The following FSTL5 variants were observed in gnomAD, a reference collection of about 807,000 sequenced individuals.
FSTL5 encodes the protein follistatin like 5.
Under a neutral mutation model 89.1 loss-of-function variants are expected in FSTL5, and 62 were observed. The ratio of observed to expected loss-of-function variants is 0.70; its 90% CI spans 0.57 to 0.86. The LOEUF is 0.86. Among genes scored for constraint, FSTL5 ranks in the 40% least tolerant of loss-of-function variants. The pLI, the probability that FSTL5 is intolerant of heterozygous loss-of-function variation, is 0.00. For missense variants in FSTL5, 1,057 were observed against 1,001.6 expected (o/e 1.06, Z -0.75); for synonymous variants, 383 against 346.2 (o/e 1.11, Z -1.18).
rs994176913 is a variant in FSTL5, at chr4:161,872,256, C to T, written c.409+48148G>A. 6.0e-5 allele frequency among the ~76,000 whole-genome samples: 9 copies of T among 149,492 alleles called. No homozygotes were observed. In the Admixed American group the frequency reaches 6.1e-4, roughly 10 times the overall value. On this transcript the variant is annotated intron_variant, in intron 4 of 15. Coordinates refer to ENST00000306100, the MANE Select transcript of FSTL5 (RefSeq NM_020116.5). Reference sequence around the variant, plus strand: ...AAAGTACTGGGATTATAGGCATGAGCCATTGTGCCCAGCCTAAAGTTAACT... The same window carrying T: ...AAAGTACTGGGATTATAGGCATGAGTCATTGTGCCCAGCCTAAAGTTAACT...
At chr4:161,512,144 T>C (rs954740660) in intron 10 of FSTL5, among the ~76,000 whole-genome samples, 1 of 152,080 alleles carries the variant, frequency 6.6e-6, no homozygotes, top group South Asian at 2.1e-4. Context: ...GTGGATTTTT[T>C]TGTAGTTTTA....
chr4:161,888,103 G>A (rs114840992), intron 4 of FSTL5, among the ~76,000 whole-genome samples: 1,594 of 152,126 alleles, frequency 0.01, 32 homozygotes, highest in African/African-American at 0.035. Flanking sequence ...TTATAGCAGT[G>A]TGAAAAGAGA....
intron 4 of FSTL5, among the ~76,000 whole-genome samples, chr4:161,872,140 G>GTTTTTTTTT (rs1491313878): frequency 1.0e-4 from 7 of 67,504 alleles, no homozygotes; most frequent in Admixed American, 1.7e-4. Flanking sequence ...TTTTTTTTTT[G>GTTTTTTTTT]GTTTTTTTTT....
At chr4:161,527,259 A>T (rs2126524751) in intron 10 of FSTL5, among the ~76,000 whole-genome samples, 1 of 152,304 alleles carries the variant, frequency 6.6e-6, no homozygotes, top group East Asian at 1.9e-4. Context: ...TTATTGGTGT[A>T]TAAGAATGCT....
chr4:161,391,941 C>G (rs956887168), intron 15 of FSTL5, among the ~76,000 whole-genome samples: 1 of 152,158 alleles, frequency 6.6e-6, no homozygotes, highest in African/African-American at 2.4e-5. Flanking sequence ...CTACATTAAA[C>G]GTTTTAGCTA....
At position 162,015,571 on chromosome 4, in the gene FSTL5, G is replaced by A. The variant is rs1157519529; in HGVS notation, c.160+18054C>T. ...ACCTTGCAGTGTAATGGGATATGGG[G>A]GGTGATGGATAATTTCAGATTAATT... is the stretch of plus-strand genomic sequence containing the variant. On this transcript the variant is annotated intron_variant, in intron 3 of 15. Coordinates refer to ENST00000306100, the MANE Select transcript of FSTL5 (RefSeq NM_020116.5). 2.0e-5 allele frequency among the ~76,000 whole-genome samples: 3 copies of A among 152,144 alleles called. No homozygotes were observed. In the East Asian group the frequency reaches 5.8e-4, roughly 29 times the overall value.
chr4:161,744,388 T>G (rs978286513), intron 6 of FSTL5, among the ~76,000 whole-genome samples: 2 of 152,194 alleles, frequency 1.3e-5, no homozygotes, highest in Non-Finnish European at 2.9e-5. Context: ...GTTATGATGT[T>G]GAATTATATT....
chr4:161,986,899 C>T (rs533127509), intron 3 of FSTL5, among the ~76,000 whole-genome samples: 186 of 152,248 alleles, frequency 1.2e-3, no homozygotes, highest in African/African-American at 4.3e-3. Flanking sequence ...GGGAAAACTA[C>T]CGCAGATTGA....
At chr4:161,738,976 TAA>T (rs956336136) in intron 6 of FSTL5, among the ~76,000 whole-genome samples, 14 of 152,222 alleles carry the variant, frequency 9.2e-5, no homozygotes, top group Non-Finnish European at 1.5e-4. Context: ...CAATTTTTTA[TAA>T]GACAGTAGTT....
intron 4 of FSTL5, among the ~76,000 whole-genome samples, chr4:161,785,927 A>C (rs1741888849): frequency 6.6e-6 from 1 of 152,120 alleles, no homozygotes; most frequent in Non-Finnish European, 1.5e-5. Flanking sequence ...TGTCTCATTT[A>C]TCACAAGAAA....
intron 10 of FSTL5, among the ~76,000 whole-genome samples, chr4:161,512,332 C>A (rs1191793158): frequency 6.6e-6 from 1 of 151,822 alleles, no homozygotes; most frequent in Non-Finnish European, 1.5e-5. Flanking sequence ...ATCTCTGTGC[C>A]CATAGAACCT....
At chr4:162,156,130 A>G (rs1733459857) in intron 1 of FSTL5, among the ~76,000 whole-genome samples, 1 of 152,198 alleles carries the variant, frequency 6.6e-6, no homozygotes, top group Non-Finnish European at 1.5e-5. Flanking sequence ...ACATACAAAC[A>G]TGAAAAAATG....
At chr4:161,636,124 A>C (rs996462766) in intron 7 of FSTL5, among the ~76,000 whole-genome samples, 28 of 152,198 alleles carry the variant, frequency 1.8e-4, no homozygotes, top group Non-Finnish European at 3.7e-4. Flanking sequence ...GGAAAGGTAA[A>C]ATTGAATTTC....
intron 2 of FSTL5, among the ~76,000 whole-genome samples, chr4:162,099,481 G>T (rs1254734158): frequency 1.3e-5 from 2 of 152,106 alleles, no homozygotes; most frequent in Non-Finnish European, 2.9e-5. Context: ...ATAAGATAAT[G>T]TAGGAGCAAA....
intron 3 of FSTL5, among the ~76,000 whole-genome samples, chr4:161,986,712 G>T (rs1735973464): frequency 6.6e-6 from 1 of 152,148 alleles, no homozygotes; most frequent in African/African-American, 2.4e-5. Context: ...TTCACCTTGT[G>T]AATTAACAGC....
chr4:161,469,661 G>A (rs980835670), intron 13 of FSTL5, among the ~76,000 whole-genome samples: 24 of 148,770 alleles, frequency 1.6e-4, no homozygotes, highest in East Asian at 7.8e-4. Flanking sequence ...TTTTTGAAGC[G>A]GAGTCTCCCT....
chr4:161,662,172 C>T (rs1054244063), intron 6 of FSTL5, among the ~76,000 whole-genome samples: 4 of 152,176 alleles, frequency 2.6e-5, no homozygotes, highest in Non-Finnish European at 1.5e-5. Flanking sequence ...GACTGCAGCA[C>T]GCTGTTACCT....
chr4:161,968,941 ACACACACACACACACACACTCACATAAG>A lies in FSTL5; in HGVS notation c.161-48317_161-48290del, dbSNP rs1735402073. Among the ~76,000 whole-genome samples the A allele has an allele frequency of 3.3e-5, 4 of 120,774 alleles. No individual in the cohort carries two copies. In the South Asian group the frequency reaches 1.2e-3, roughly 36 times the overall value. The allele number at this position is 120,774 out of a possible 152,430, so 79.2% of individuals were successfully genotyped here. A position where few individuals can be genotyped will look rare whatever the true frequency, so the allele number is the denominator to read the frequency against. ...CCACCCAAGACACAGACATACACAC[ACACACACACACACACACACTCACATAAG>A]CACACACACACACACACACACATGC... is the stretch of plus-strand genomic sequence containing the variant. On this transcript the variant is annotated intron_variant, in intron 3 of 15. Transcript: ENST00000306100.
At chr4:161,834,562 T>C (rs967400500) in intron 4 of FSTL5, among the ~76,000 whole-genome samples, 10 of 152,200 alleles carry the variant, frequency 6.6e-5, no homozygotes, top group South Asian at 2.1e-4. Context: ...CCCATTGTCT[T>C]AGCCCAAAAT....
Sources: allele counts gnomAD v4.1 joint callset (sites outside exome capture counted in the v4.1 genomes callset), GRCh38; gene constraint gnomAD v4.1.1; transcripts MANE v1.5; gene names NCBI Gene and HGNC (gene_info 2026-07-23, HGNC 2026-07-21).